Variants in C7orf33 observed in about 807,000 individuals in gnomAD.
C7orf33 encodes uncharacterized protein C7orf33.
A neutral mutation model predicts 13.4 loss-of-function variants in C7orf33; 15 were observed. That is an observed-to-expected ratio of 1.12 (90% CI 0.75 to 1.72). The LOEUF is 1.72. Ranked by LOEUF, C7orf33 falls within the 40% of genes most tolerant of loss-of-function variation. The pLI is 0.00. For missense variants in C7orf33, 187 were observed against 220.3 expected (o/e 0.85, Z 0.96); for synonymous variants, 73 against 83.2 (o/e 0.88, Z 0.67).
chr7:148,595,655 AGAT>A (rs1452453580), intron 1 of C7orf33, among the ~76,000 whole-genome samples: 11,198 of 100,286 alleles, frequency 0.11, 976 homozygotes, highest in South Asian at 0.26. Context: ...GATATAATAT[AGAT>A]CTATATTATA....
rs1375221800 is a variant in C7orf33 at position 148,604,378 on chromosome 7, C to T, written c.205-9664C>T. Among the ~76,000 whole-genome samples the T allele has an allele frequency of 2.0e-5, 3 of 152,108 alleles. No homozygotes were observed. The East Asian group carries it at 5.8e-4, about 29-fold the overall frequency. On this transcript the variant is annotated intron_variant, in intron 1 of 2. Coordinates refer to ENST00000307003, the MANE Select transcript of C7orf33 (RefSeq NM_145304.4). ...CTGACCTCAAGTAATCCACCCACCT[C>T]GGCCTCCCACAGTGCTGGGATTACA...
At chr7:148,599,939 T>C (rs149661535) in intron 1 of C7orf33, among the ~76,000 whole-genome samples, 2,107 of 152,232 alleles carry the variant, frequency 0.014, 24 homozygotes, top group Non-Finnish European at 0.021. Context: ...CCAAACTCCA[T>C]CTACACGCCC....
At chr7:148,613,633 A>T (rs1444317535) in intron 1 of C7orf33, among the ~76,000 whole-genome samples, 1 of 152,186 alleles carries the variant, frequency 6.6e-6, no homozygotes, top group Non-Finnish European at 1.5e-5. Flanking sequence ...GGTAGAACGT[A>T]GATTAGTGGT....
intron 1 of C7orf33, among the ~76,000 whole-genome samples, chr7:148,613,646 C>T (rs988839921): frequency 3.3e-5 from 5 of 152,086 alleles, no homozygotes; most frequent in Non-Finnish European, 7.4e-5. Flanking sequence ...TTAGTGGTTG[C>T]CTGGGGAGAC....
chr7:148,609,898 A>C (rs533885543), intron 1 of C7orf33, among the ~76,000 whole-genome samples: 2 of 152,266 alleles, frequency 1.3e-5, no homozygotes, highest in African/African-American at 4.8e-5. Context: ...GTCTTCGCTG[A>C]GTAGGAGCTT....
At chr7:148,610,479 G>A (rs76148214) in intron 1 of C7orf33, among the ~76,000 whole-genome samples, 3 of 152,258 alleles carry the variant, frequency 2.0e-5, no homozygotes, top group Admixed American at 6.5e-5. Context: ...TTTGGGACTC[G>A]GACTGGCTGT....
At chr7:148,595,293 TTATATAGATATATAA>T (rs1401937560) in intron 1 of C7orf33, among the ~76,000 whole-genome samples, 22 of 141,538 alleles carry the variant, frequency 1.6e-4, no homozygotes, top group Middle Eastern at 3.7e-3. Flanking sequence ...TAGATATATA[TTATATAGATATATAA>T]TATATAATAT....
At chr7:148,596,071 T>C (rs1796335370) in intron 1 of C7orf33, among the ~76,000 whole-genome samples, 1 of 152,176 alleles carries the variant, frequency 6.6e-6, no homozygotes, top group Non-Finnish European at 1.5e-5. Context: ...ATTCTGCAGT[T>C]GATGCAGAGT....
chr7:148,610,649 C>T (rs1796526963), intron 1 of C7orf33, among the ~76,000 whole-genome samples: 1 of 152,054 alleles, frequency 6.6e-6, no homozygotes, highest in Non-Finnish European at 1.5e-5. Flanking sequence ...GGAGGGAGAT[C>T]ACTTCTGAGC....
At chr7:148,607,924 A>AT (rs1020027062) in intron 1 of C7orf33, among the ~76,000 whole-genome samples, 6 of 151,670 alleles carry the variant, frequency 4.0e-5, no homozygotes, top group African/African-American at 7.3e-5. Context: ...CTAATTGATG[A>AT]TTTTTTTCAA....
intron 1 of C7orf33, among the ~76,000 whole-genome samples, chr7:148,595,363 A>G (rs182440056): frequency 7.4e-6 from 1 of 135,720 alleles, no homozygotes; most frequent in Non-Finnish European, 1.5e-5. Flanking sequence ...AGATATATCA[A>G]ATATAATATA....
At chr7:148,603,932 G>T (rs1796444516) in intron 1 of C7orf33, among the ~76,000 whole-genome samples, 1 of 152,046 alleles carries the variant, frequency 6.6e-6, no homozygotes, top group South Asian at 2.1e-4. Flanking sequence ...ATACGAAAAA[G>T]ATACTTTCAC....
At chr7:148,602,365 C>T (rs780865037) in intron 1 of C7orf33, among the ~76,000 whole-genome samples, 64 of 152,092 alleles carry the variant, frequency 4.2e-4, no homozygotes, top group Non-Finnish European at 8.2e-4. Context: ...GGGAGGCCAA[C>T]GCAGGTGGAT....
chr7:148,598,130 T>C (rs1585456361), intron 1 of C7orf33, among the ~76,000 whole-genome samples: 1 of 152,226 alleles, frequency 6.6e-6, no homozygotes, highest in East Asian at 1.9e-4. Flanking sequence ...TTTTCAGCTT[T>C]ATATCAGTGG....
In C7orf33 at chr7:148,615,631, G is replaced by A. The variant is rs1796594447; in HGVS notation, c.*230G>A. The A allele has an allele frequency of 4.5e-6, 2 of 444,828 alleles. No homozygotes were observed. The highest frequency in any genetic ancestry group is 8.3e-6 in the Non-Finnish European group (2 of 240,756). The allele number at this position is 444,828 out of a possible 1,614,324, so 27.6% of individuals were successfully genotyped here. A position where few individuals can be genotyped will look rare whatever the true frequency, so the allele number is the denominator to read the frequency against. ...ATCTGTGTGGCATTTGTGCACTGGT[G>A]TGGGGCCCAGGAGAGGACCACGGAG... On this transcript the variant is annotated 3_prime_UTR_variant, in exon 3 of 3. Transcript: ENST00000307003.
At chr7:148,613,944 T>C in intron 1 of C7orf33, 98 bp from the exon 2 acceptor site, 1 of 1,254,096 alleles carries the variant, frequency 8.0e-7, no homozygotes, top group Admixed American at 1.9e-5. Flanking sequence ...GACAGCTACT[T>C]AGTAGCCTCA....
chr7:148,599,398 C>CTA (rs1246570100), intron 1 of C7orf33, among the ~76,000 whole-genome samples: 3 of 151,664 alleles, frequency 2.0e-5, no homozygotes, highest in Non-Finnish European at 2.9e-5. Context: ...TAAATATCTT[C>CTA]TATCCTCCTA....
chr7:148,611,949 A>T (rs905383786), intron 1 of C7orf33, among the ~76,000 whole-genome samples: 3 of 152,226 alleles, frequency 2.0e-5, no homozygotes, highest in African/African-American at 7.2e-5. Flanking sequence ...TGCAGGGGGA[A>T]TCAGGGAACG....
intron 1 of C7orf33, among the ~76,000 whole-genome samples, chr7:148,611,013 A>G (rs1313578228): frequency 6.6e-6 from 1 of 152,110 alleles, no homozygotes; most frequent in Non-Finnish European, 1.5e-5. Context: ...CTAAGATGGT[A>G]TGGGCAGGAG....
Sources: gnomAD v4.1 joint callset for allele counts (sites outside exome capture counted in the v4.1 genomes callset) on GRCh38, gnomAD v4.1.1 for gene constraint, MANE v1.5 for transcripts, NCBI Gene and HGNC (gene_info 2026-07-23, HGNC 2026-07-21) for gene names.